UNC5D: variants seen among roughly 807,000 people sequenced by gnomAD.
UNC5D encodes the protein unc-5 netrin receptor D.
In UNC5D, 39 loss-of-function variants were observed where a neutral mutation model predicts 105.4. The observed-to-expected ratio is 0.37, with a 90% confidence interval of 0.29 to 0.48. UNC5D has a LOEUF of 0.48. Among genes scored for constraint, UNC5D ranks in the 20% least tolerant of loss-of-function variants. The pLI, the probability that UNC5D is intolerant of heterozygous loss-of-function variation, is 0.98. For missense variants in UNC5D, 991 were observed against 1,202.4 expected (o/e 0.82, Z 2.60); for synonymous variants, 452 against 450.4 (o/e 1.00, Z -0.04).
chr8:35,507,276 C>A (rs1270383754), intron 1 of UNC5D, among the ~76,000 whole-genome samples: 2 of 151,944 alleles, frequency 1.3e-5, no homozygotes, highest in East Asian at 3.9e-4. Flanking sequence ...AGGATGGTCT[C>A]GATTTCCTGA....
At chr8:35,429,523 TTATTA>T (rs1339705556) in intron 1 of UNC5D, among the ~76,000 whole-genome samples, 53 of 152,274 alleles carry the variant, frequency 3.5e-4, no homozygotes, top group African/African-American at 1.1e-3. Context: ...GTTTTGTATT[TTATTA>T]TATCATCATT....
intron 1 of UNC5D, among the ~76,000 whole-genome samples, chr8:35,273,085 A>G (rs1805530906): frequency 6.6e-6 from 1 of 152,206 alleles, no homozygotes; most frequent in South Asian, 2.1e-4. Flanking sequence ...TCAGCCACCA[A>G]TACTCCCAGT....
intron 1 of UNC5D, among the ~76,000 whole-genome samples, chr8:35,395,864 A>C (rs1400189533): frequency 6.6e-6 from 1 of 152,164 alleles, no homozygotes; most frequent in East Asian, 1.9e-4. Context: ...TGCAGGATTC[A>C]AACTCGATTC....
intron 1 of UNC5D, among the ~76,000 whole-genome samples, chr8:35,263,698 G>C (rs1002981720): frequency 6.6e-6 from 1 of 152,240 alleles, no homozygotes; most frequent in African/African-American, 2.4e-5. Flanking sequence ...CATAATAGTA[G>C]AGTAGATGAC....
chr8:35,550,800 A>G (rs1402913304), intron 2 of UNC5D, among the ~76,000 whole-genome samples: 2 of 152,214 alleles, frequency 1.3e-5, no homozygotes, highest in East Asian at 3.8e-4. Context: ...TGAAAGGAAC[A>G]TTGATGAATA....
At chr8:35,739,020 C>T (rs1156998521) in intron 11 of UNC5D, among the ~76,000 whole-genome samples, 1 of 152,180 alleles carries the variant, frequency 6.6e-6, no homozygotes, top group Admixed American at 6.5e-5. Flanking sequence ...GAGAGAATCA[C>T]TGAGGAAAGA....
At chr8:35,474,114 C>T (rs1809921184) in intron 1 of UNC5D, among the ~76,000 whole-genome samples, 1 of 152,200 alleles carries the variant, frequency 6.6e-6, no homozygotes, top group Admixed American at 6.5e-5. Flanking sequence ...CTTTGGAGGA[C>T]ACATTCACAC....
chr8:35,270,620 T>C (rs995779943), intron 1 of UNC5D, among the ~76,000 whole-genome samples: 1 of 152,230 alleles, frequency 6.6e-6, no homozygotes, highest in Non-Finnish European at 1.5e-5. Flanking sequence ...TATAGTCATG[T>C]TTGGTGCAGT....
intron 1 of UNC5D, among the ~76,000 whole-genome samples, chr8:35,379,608 T>G (rs1029661835): frequency 6.6e-6 from 1 of 152,044 alleles, no homozygotes; most frequent in Admixed American, 6.5e-5. Flanking sequence ...ATTCCACCGG[T>G]GCATCTCTGT....
chr8:35,444,359 G>A (rs1037856413), intron 1 of UNC5D, among the ~76,000 whole-genome samples: 1 of 152,052 alleles, frequency 6.6e-6, no homozygotes, highest in Non-Finnish European at 1.5e-5. Context: ...TTTAGAGAAT[G>A]TTTATCTCCT....
At chr8:35,785,959 T>C (rs1159092577) in intron 16 of UNC5D, among the ~76,000 whole-genome samples, 1 of 152,162 alleles carries the variant, frequency 6.6e-6, no homozygotes, top group East Asian at 1.9e-4. Context: ...TTATACCCTC[T>C]CATCTTCCCT....
intron 1 of UNC5D, among the ~76,000 whole-genome samples, chr8:35,512,373 T>G (rs1812767288): frequency 6.9e-6 from 1 of 145,346 alleles, no homozygotes. Context: ...CATTATAAAA[T>G]TAGCCAGGCA....
At chr8:35,428,885 T>A (rs1806433808) in intron 1 of UNC5D, among the ~76,000 whole-genome samples, 1 of 152,048 alleles carries the variant, frequency 6.6e-6, no homozygotes, top group South Asian at 2.1e-4. Context: ...CTTTATTGAC[T>A]TTAAACAAGC....
At chr8:35,729,393 TCCTGCTACACGAGTGG>T (rs1163726542) in intron 10 of UNC5D, among the ~76,000 whole-genome samples, 1 of 152,224 alleles carries the variant, frequency 6.6e-6, no homozygotes, top group African/African-American at 2.4e-5. Flanking sequence ...TTTATTGGCT[TCCTGCTACACGAGTGG>T]CATTGTGATA....
intron 16 of UNC5D, among the ~76,000 whole-genome samples, chr8:35,782,945 G>A (rs1802570074): frequency 6.6e-6 from 1 of 151,952 alleles, no homozygotes; most frequent in African/African-American, 2.4e-5. Flanking sequence ...GGTGAGCCCT[G>A]GCAACATTGT....
intron 1 of UNC5D, among the ~76,000 whole-genome samples, chr8:35,440,068 T>C (rs917306714): frequency 7.9e-5 from 12 of 152,048 alleles, no homozygotes; most frequent in African/African-American, 2.9e-4. Context: ...CCTCAATGTT[T>C]TGTTTACCAT....
intron 1 of UNC5D, among the ~76,000 whole-genome samples, chr8:35,347,415 C>A (rs1227002212): frequency 1.3e-5 from 2 of 151,958 alleles, no homozygotes. Flanking sequence ...TTAGTCTATA[C>A]TCAATCTGAA....
At chr8:35,490,629 T>A (rs1381053258) in intron 1 of UNC5D, among the ~76,000 whole-genome samples, 2 of 152,180 alleles carry the variant, frequency 1.3e-5, no homozygotes, top group African/African-American at 4.8e-5. Flanking sequence ...GGATCTTTGA[T>A]GGTAATATAT....
chr8:35,326,978 G>A (rs1810214641), intron 1 of UNC5D, among the ~76,000 whole-genome samples: 1 of 152,166 alleles, frequency 6.6e-6, no homozygotes, highest in Non-Finnish European at 1.5e-5. Flanking sequence ...TTAAGGTTTA[G>A]CGGTGGGGAG....
Sources: gnomAD v4.1 joint callset for allele counts (sites outside exome capture counted in the v4.1 genomes callset) on GRCh38, gnomAD v4.1.1 for gene constraint, MANE v1.5 for transcripts, NCBI Gene and HGNC (gene_info 2026-07-23, HGNC 2026-07-21) for gene names.